The following GMDS variants were observed in gnomAD, a reference collection of about 807,000 sequenced individuals.
GMDS encodes GDP-mannose 4,6 dehydratase.
In GMDS, 20 loss-of-function variants were observed where a neutral mutation model predicts 49.9. The observed-to-expected ratio is 0.40, with a 90% CI of 0.28 to 0.58. The LOEUF (loss-of-function observed/expected upper bound fraction) is 0.58, where lower values mean the gene tolerates loss of function less well. Ranked by LOEUF, GMDS falls within the 20% of genes least tolerant of loss-of-function variation. The probability of loss-of-function intolerance (pLI) is 0.42; values close to 1 mark genes in which losing one functional copy is unlikely to be tolerated. For synonymous variants in GMDS, 177 were observed against 178.6 expected (o/e 0.99, Z 0.07); for missense variants, 362 against 481.4 (o/e 0.75, Z 2.32).
intron 7 of GMDS, among the ~76,000 whole-genome samples, chr6:1,831,685 C>CT (rs1339078342): frequency 6.6e-6 from 1 of 152,144 alleles, no homozygotes; most frequent in Non-Finnish European, 1.5e-5. Context: ...CTTGAAAATT[C>CT]TTTAAGCACC....
At chr6:1,632,784 T>C (rs1463525549) in intron 9 of GMDS, among the ~76,000 whole-genome samples, 1 of 151,960 alleles carries the variant, frequency 6.6e-6, no homozygotes, top group African/African-American at 2.4e-5. Context: ...GAGGCTGAGG[T>C]GGGAGGACTG....
At chr6:1,929,664 A>G (rs1762195669) in intron 7 of GMDS, among the ~76,000 whole-genome samples, 1 of 54,222 alleles carries the variant, frequency 1.8e-5, no homozygotes, top group Non-Finnish European at 5.4e-5. Flanking sequence ...AGCAGAAAGC[A>G]GAGTTCCATA....
intron 7 of GMDS, among the ~76,000 whole-genome samples, chr6:1,899,567 T>G (rs1760392768): frequency 6.6e-6 from 1 of 152,194 alleles, no homozygotes; most frequent in African/African-American, 2.4e-5. Flanking sequence ...AGAAAGCCGG[T>G]GGGCCATTCC....
intron 1 of GMDS, among the ~76,000 whole-genome samples, chr6:2,158,279 G>A (rs1581726519): frequency 6.6e-6 from 1 of 152,038 alleles, no homozygotes; most frequent in Non-Finnish European, 1.5e-5. Flanking sequence ...ACATATGTAC[G>A]CATAAGGGAA....
intron 7 of GMDS, among the ~76,000 whole-genome samples, chr6:1,787,518 G>C (rs1233413650): frequency 4.6e-5 from 7 of 152,176 alleles, no homozygotes; most frequent in Admixed American, 3.3e-4. Flanking sequence ...GAAATGTTCT[G>C]TTGGATCTAA....
chr6:1,782,178 A>G (rs1012441915), intron 7 of GMDS, among the ~76,000 whole-genome samples: 1 of 152,204 alleles, frequency 6.6e-6, no homozygotes, highest in East Asian at 1.9e-4. Flanking sequence ...TTCATTTACT[A>G]CCTTATACCA....
intron 1 of GMDS, among the ~76,000 whole-genome samples, chr6:2,169,409 C>T (rs545996533): frequency 6.6e-6 from 1 of 151,928 alleles, no homozygotes; most frequent in Non-Finnish European, 1.5e-5. Flanking sequence ...GAGTTCGAGA[C>T]CAGCTTGGCC....
At chr6:2,073,812 T>C (rs780634791) in intron 4 of GMDS, among the ~76,000 whole-genome samples, 7 of 152,244 alleles carry the variant, frequency 4.6e-5, no homozygotes, top group Non-Finnish European at 7.3e-5. Flanking sequence ...GTTCCATACA[T>C]GTGGCTGCAA....
chr6:1,669,715 C>A (rs1299917033), intron 9 of GMDS, among the ~76,000 whole-genome samples: 2 of 151,890 alleles, frequency 1.3e-5, no homozygotes, highest in East Asian at 2.0e-4. Context: ...GAGTTCAAGA[C>A]CAGCCTGGCC....
rs114899020 is a variant in GMDS, at chr6:2,111,015, G to C, written c.345+4756C>G. Among the ~76,000 whole-genome samples, 1,143 of 152,242 alleles carry C rather than the reference G, an allele frequency of 7.5e-3. 15 individuals carry two copies. Among genetic ancestry groups the C allele is most frequent in the African/African-American group, 0.026 (1,099 of 41,544 alleles). On this transcript the variant is annotated intron_variant, in intron 4 of 10. Transcript: ENST00000380815. Reference sequence around the variant, plus strand: ...AGGCAATTCCAACATGGCATTGTGAGGCAAAGGAAAGAAATACTGCACTAG... The same window carrying C: ...AGGCAATTCCAACATGGCATTGTGACGCAAAGGAAAGAAATACTGCACTAG...
intron 1 of GMDS, among the ~76,000 whole-genome samples, chr6:2,143,035 C>G (rs571584520): frequency 1.3e-5 from 2 of 152,204 alleles, no homozygotes; most frequent in East Asian, 3.9e-4. Flanking sequence ...CTGCATCAGA[C>G]CCCACTGTTT....
chr6:2,089,279 C>A (rs969561333), intron 4 of GMDS, among the ~76,000 whole-genome samples: 3 of 151,904 alleles, frequency 2.0e-5, no homozygotes, highest in Non-Finnish European at 2.9e-5. Flanking sequence ...ACTTAATTAG[C>A]CTGAACCTGA....
In GMDS at chr6:1,897,720, A is replaced by G. The variant is rs550894340; in HGVS notation, c.771+32383T>C. Among the ~76,000 whole-genome samples the G allele has an allele frequency of 5.9e-5, 9 of 152,338 alleles. No homozygotes were observed. In the East Asian group the frequency reaches 1.2e-3, roughly 20 times the overall value. ...AATACACGATAAATTATTCTTAACAATAGTTATTCTACTGTGCAATCAAAC... is the reference window on the plus strand; with the variant it reads ...AATACACGATAAATTATTCTTAACAGTAGTTATTCTACTGTGCAATCAAAC... On this transcript the variant is annotated intron_variant, in intron 7 of 10. Coordinates refer to ENST00000380815, the MANE Select transcript of GMDS (RefSeq NM_001500.4).
intron 1 of GMDS, among the ~76,000 whole-genome samples, chr6:2,183,771 C>T (rs556570294): frequency 2.6e-5 from 4 of 152,264 alleles, no homozygotes; most frequent in Non-Finnish European, 5.9e-5. Flanking sequence ...CCACCCCAAC[C>T]TTCAGCAACC....
intron 7 of GMDS, among the ~76,000 whole-genome samples, chr6:1,821,612 T>TTTG (rs1770901515): frequency 6.3e-4 from 1 of 1,598 alleles, no homozygotes; most frequent in Non-Finnish European, 1.8e-3. Context: ...AATTTATTTG[T>TTTG]TTTTTTTTTT....
At chr6:2,198,808 T>C (rs908533767) in intron 1 of GMDS, among the ~76,000 whole-genome samples, 2 of 152,238 alleles carry the variant, frequency 1.3e-5, no homozygotes, top group Admixed American at 6.5e-5. Context: ...GTAGCAATTG[T>C]GGATCCTAAA....
intron 7 of GMDS, among the ~76,000 whole-genome samples, chr6:1,882,249 A>G (rs1759396784): frequency 6.6e-6 from 1 of 152,192 alleles, no homozygotes; most frequent in African/African-American, 2.4e-5. Flanking sequence ...GGCAGAGAAA[A>G]CTGACATACA....
intron 1 of GMDS, among the ~76,000 whole-genome samples, chr6:2,136,212 T>C (rs988660381): frequency 4.6e-5 from 7 of 152,252 alleles, no homozygotes; most frequent in South Asian, 2.1e-4. Context: ...TTTACACTTA[T>C]GGCATATCAC....
chr6:2,178,435 A>G (rs1299039666), intron 1 of GMDS, among the ~76,000 whole-genome samples: 1 of 152,118 alleles, frequency 6.6e-6, no homozygotes, highest in Admixed American at 6.5e-5. Context: ...TGCTTTAAAC[A>G]ACCAGATCTC....
Sources: allele counts gnomAD v4.1 joint callset (sites outside exome capture counted in the v4.1 genomes callset), GRCh38; gene constraint gnomAD v4.1.1; transcripts MANE v1.5; gene names NCBI Gene and HGNC (gene_info 2026-07-23, HGNC 2026-07-21).